TAMM41: variants seen among roughly 807,000 people sequenced by gnomAD.
TAMM41 encodes the protein phosphatidate cytidylyltransferase, mitochondrial.
TAMM41 carries 36 observed loss-of-function variants against 44.1 expected under a neutral mutation model. The ratio of observed to expected loss-of-function variants is 0.82; its 90% CI spans 0.63 to 1.08. TAMM41 has a LOEUF of 1.08. TAMM41 is among the 50% of genes least tolerant of loss of function. The probability of loss-of-function intolerance (pLI) is 0.00; values close to 1 mark genes in which losing one functional copy is unlikely to be tolerated. For synonymous variants in TAMM41, 164 were observed against 153.1 expected, an observed-to-expected ratio of 1.07 and a Z score of -0.53; for missense variants, 417 against 404.3, an observed-to-expected ratio of 1.03 and a Z score of -0.27.
the TAMM41 span, among the ~76,000 whole-genome samples, chr3:11,730,132 C>T: frequency 6.6e-6 from 1 of 152,038 alleles, no homozygotes; most frequent in Non-Finnish European, 1.5e-5. Flanking sequence ...GCCTATAATC[C>T]CAGCACTTTG....
chr3:11,797,362 T>C (rs1186722609), intron 7 of TAMM41, among the ~76,000 whole-genome samples: 1 of 152,202 alleles, frequency 6.6e-6, no homozygotes, highest in Non-Finnish European at 1.5e-5. Context: ...AACTATCTGA[T>C]CTTTGACAAA....
downstream of TAMM41, among the ~76,000 whole-genome samples, chr3:11,785,614 G>A (rs917102762): frequency 5.3e-5 from 8 of 151,596 alleles, no homozygotes; most frequent in African/African-American, 9.7e-5. Flanking sequence ...GTGAGCCACC[G>A]TGCCCAGCCT....
chr3:11,841,233 C>T (rs1477880464), intron 2 of TAMM41, among the ~76,000 whole-genome samples: 1 of 151,824 alleles, frequency 6.6e-6, no homozygotes. Flanking sequence ...CAGGCATGCA[C>T]CATCACACCT....
the TAMM41 span, among the ~76,000 whole-genome samples, chr3:11,750,198 G>T: frequency 1.3e-5 from 2 of 151,978 alleles, no homozygotes; most frequent in Non-Finnish European, 2.9e-5. Context: ...GCCCAGTCGG[G>T]AGTGTCTGTT....
chr3:11,814,795 T>C (rs568627911), intron 5 of TAMM41, among the ~76,000 whole-genome samples: 2 of 152,210 alleles, frequency 1.3e-5, no homozygotes, highest in Admixed American at 1.3e-4. Flanking sequence ...AAACTGTTTC[T>C]ACTAAAAACA....
chr3:11,761,699 C>T, the TAMM41 span, among the ~76,000 whole-genome samples: 1 of 152,138 alleles, frequency 6.6e-6, no homozygotes, highest in Admixed American at 6.6e-5. Flanking sequence ...GTAATCCCAG[C>T]ACTTTGGGAG....
rs372716278 is a variant in TAMM41 at position 11,829,707 on chromosome 3, T to G, written c.562+7A>C. 6.2e-7 allele frequency: 1 copy of G among 1,613,980 alleles called. No individual in the cohort carries two copies. The highest frequency in any genetic ancestry group is 2.2e-5 in the East Asian group (1 of 44,884). On this transcript the variant is annotated splice_region_variant and intron_variant, in intron 4 of 7. Transcript: ENST00000455809. The stretch of plus-strand genomic sequence containing the variant: ...TTGTAGAACATCTGGGCAGCAACCA[T>G]ACTAACCTGAATAGGAGAGACCGGC...
chr3:11,823,859 C>T (rs1314753241), intron 4 of TAMM41, among the ~76,000 whole-genome samples: 1 of 132,806 alleles, frequency 7.5e-6, no homozygotes, highest in Non-Finnish European at 1.6e-5. Context: ...CAGAGTCTTA[C>T]TCGGTCGCCA....
chr3:11,771,996 C>T, the TAMM41 span, among the ~76,000 whole-genome samples: 1 of 152,158 alleles, frequency 6.6e-6, no homozygotes, highest in South Asian at 2.1e-4. Flanking sequence ...ATAGTGAACA[C>T]TTTACCCAAC....
chr3:11,825,998 A>T (rs1410319573), intron 4 of TAMM41, among the ~76,000 whole-genome samples: 1 of 152,164 alleles, frequency 6.6e-6, no homozygotes, highest in African/African-American at 2.4e-5. Context: ...TGGAGAACAC[A>T]TCCAAGGAAG....
the TAMM41 span, among the ~76,000 whole-genome samples, chr3:11,784,606 T>A: frequency 6.6e-6 from 1 of 152,234 alleles, no homozygotes; most frequent in Non-Finnish European, 1.5e-5. Context: ...TTTTAACCCC[T>A]TCCCTTCAAC....
chr3:11,845,110 C>T (rs748925753), intron 1 of TAMM41: 4 of 399,964 alleles, frequency 1.0e-5, no homozygotes, highest in South Asian at 7.4e-5. Context: ...AAATAGAACA[C>T]ATTTATGCGG....
At chr3:11,746,154 A>T in the TAMM41 span, among the ~76,000 whole-genome samples, 1 of 151,998 alleles carries the variant, frequency 6.6e-6, no homozygotes, top group African/African-American at 2.4e-5. Flanking sequence ...CAAAAAAATT[A>T]GTCAGGAGTG....
At chr3:11,747,881 A>ATTTATTT in the TAMM41 span, among the ~76,000 whole-genome samples, 1 of 133,366 alleles carries the variant, frequency 7.5e-6, no homozygotes, top group Non-Finnish European at 1.6e-5. Context: ...TTATTTATTT[A>ATTTATTT]TTTTTTTTTT....
intron 7 of TAMM41, among the ~76,000 whole-genome samples, chr3:11,795,460 C>A (rs2077582936): frequency 6.6e-6 from 1 of 152,156 alleles, no homozygotes; most frequent in South Asian, 2.1e-4. Context: ...GTCTGAACTG[C>A]AATGACCTGA....
chr3:11,739,119 A>G, the TAMM41 span, among the ~76,000 whole-genome samples: 5 of 152,260 alleles, frequency 3.3e-5, no homozygotes, highest in East Asian at 7.7e-4. Context: ...GCATTTCTTC[A>G]AAAGGTCTCC....
intron 4 of TAMM41, among the ~76,000 whole-genome samples, chr3:11,823,133 T>A (rs941215226): frequency 6.6e-5 from 10 of 152,368 alleles, no homozygotes; most frequent in African/African-American, 2.4e-4. Flanking sequence ...ATACCTATGA[T>A]GTTTAACAAC....
intron 4 of TAMM41, among the ~76,000 whole-genome samples, chr3:11,827,470 T>G (rs190015072): frequency 1.2e-4 from 18 of 151,774 alleles, no homozygotes; most frequent in African/African-American, 4.1e-4. Context: ...CCACCACGCC[T>G]GACTAATTTT....
chr3:11,809,182 C>T (rs1386295166), intron 6 of TAMM41: 1 of 333,458 alleles, frequency 3.0e-6, no homozygotes, highest in Non-Finnish European at 5.5e-6. Context: ...AAAAAAATGC[C>T]ACCAATCTCT....
Sources: allele counts gnomAD v4.1 joint callset (sites outside exome capture counted in the v4.1 genomes callset), GRCh38; gene constraint gnomAD v4.1.1; transcripts MANE v1.5; gene names NCBI Gene and HGNC (gene_info 2026-07-23, HGNC 2026-07-21).